The following ADGRV1 variants were observed in gnomAD, a reference collection of about 807,000 sequenced individuals.
The protein encoded by ADGRV1 is G-protein coupled receptor 98.
Under a neutral mutation model 596.2 loss-of-function variants are expected in ADGRV1, and 359 were observed. The observed-to-expected ratio is 0.60, with a 90% CI of 0.55 to 0.66. ADGRV1 has a LOEUF of 0.66. Among genes scored for constraint, ADGRV1 ranks in the 30% least tolerant of loss-of-function variants. ADGRV1 has a pLI of 0.00. For missense variants in ADGRV1, 7,274 were observed against 7,575.6 expected, an observed-to-expected ratio of 0.96 and a Z score of 1.48; for synonymous variants, 2,681 against 2,679.2, an observed-to-expected ratio of 1.00 and a Z score of -0.02.
chr5:90,629,797 T>A, intron 9 of ADGRV1: 1 of 306,498 alleles, frequency 3.3e-6, no homozygotes, highest in East Asian at 6.0e-5. Flanking sequence ...GAAATGCCAG[T>A]CATGCAAGTC....
At chr5:90,837,285 C>T (rs1208653499) in intron 77 of ADGRV1, among the ~76,000 whole-genome samples, 1 of 152,054 alleles carries the variant, frequency 6.6e-6, no homozygotes, top group Non-Finnish European at 1.5e-5. Context: ...GCTGAAAGCA[C>T]ACAAGTTCAA....
chr5:90,713,993 CAATA>C lies in ADGRV1; in HGVS notation c.9184+1570_9184+1573del, dbSNP rs370559763. 1.6e-4 allele frequency among the ~76,000 whole-genome samples: 25 copies of C among 152,080 alleles called. No individual in the cohort carries two copies. In the East Asian group the frequency reaches 2.9e-3, roughly 18 times the overall value. ...CTATTTCCAAACCCTTATAAAGTTT[CAATA>C]AATATCCTTTTACATAAATCTCTAT... is the stretch of plus-strand genomic sequence containing the variant. On this transcript the variant is annotated intron_variant, in intron 42 of 89. Transcript: ENST00000405460.
intron 86 of ADGRV1, among the ~76,000 whole-genome samples, chr5:91,101,797 ACACACACG>A (rs1018590378): frequency 6.6e-6 from 1 of 152,098 alleles, no homozygotes; most frequent in African/African-American, 2.4e-5. Flanking sequence ...ATGCACACAC[ACACACACG>A]CACACACGCA....
intron 85 of ADGRV1, among the ~76,000 whole-genome samples, chr5:91,046,411 G>A (rs1227334815): frequency 6.6e-6 from 1 of 152,086 alleles, no homozygotes; most frequent in East Asian, 1.9e-4. Context: ...CATAAAGTGA[G>A]GAAAGATACC....
At chr5:91,040,496 T>C (rs1267948877) in intron 85 of ADGRV1, among the ~76,000 whole-genome samples, 3 of 152,096 alleles carry the variant, frequency 2.0e-5, no homozygotes, top group African/African-American at 7.3e-5. Flanking sequence ...TGTGTTGATG[T>C]TAATTTGCAT....
At chr5:91,078,419 C>G (rs1374236701) in intron 86 of ADGRV1, among the ~76,000 whole-genome samples, 3 of 152,112 alleles carry the variant, frequency 2.0e-5, no homozygotes, top group Non-Finnish European at 4.4e-5. Flanking sequence ...CCATCAGTTA[C>G]TTTTCTCCTT....
intron 70 of ADGRV1, chr5:90,791,889 A>C (rs1760121471): frequency 6.5e-6 from 1 of 153,384 alleles, no homozygotes; most frequent in South Asian, 2.0e-4. Flanking sequence ...GTGGGTGATC[A>C]GAATGCATGG....
chr5:90,766,395 C>T (rs1436624361), intron 59 of ADGRV1, among the ~76,000 whole-genome samples: 3 of 152,164 alleles, frequency 2.0e-5, no homozygotes, highest in Non-Finnish European at 2.9e-5. Flanking sequence ...GTCAGTTTTC[C>T]CTTTAAGTGT....
At chr5:90,695,481 T>A (rs558310596) in intron 33 of ADGRV1, among the ~76,000 whole-genome samples, 24 of 151,582 alleles carry the variant, frequency 1.6e-4, no homozygotes, top group Middle Eastern at 3.4e-3. Flanking sequence ...CACAAAATTT[T>A]AAAAAACATA....
rs139402297 is a variant in ADGRV1, at chr5:90,922,797, G to A, written c.17857-42618G>A. On this transcript the variant is annotated intron_variant, in intron 83 of 89. Coordinates refer to ENST00000405460, the MANE Select transcript of ADGRV1 (RefSeq NM_032119.4). ...CTGCATTTGTAACTAGTTCCCATAC[G>A]ATCTGGTACGGCTGGTCCTCAGGCT... Among the ~76,000 whole-genome samples the A allele has an allele frequency of 3.9e-5, 6 of 152,280 alleles. No individual in the cohort carries two copies. The East Asian group carries it at 7.7e-4, about 20-fold the overall frequency.
chr5:90,881,235 A>C (rs964222691), intron 83 of ADGRV1, among the ~76,000 whole-genome samples: 1 of 152,186 alleles, frequency 6.6e-6, no homozygotes, highest in Non-Finnish European at 1.5e-5. Flanking sequence ...TTTGAAAAGA[A>C]ATTGAATGAT....
chr5:91,029,859 A>T (rs1784332870), intron 85 of ADGRV1, among the ~76,000 whole-genome samples: 1 of 152,120 alleles, frequency 6.6e-6, no homozygotes, highest in Non-Finnish European at 1.5e-5. Context: ...TCTTGATTTT[A>T]AAAAAATCAC....
Position 91,072,537 on chromosome 5 carries a change from TG to T in ADGRV1, c.18244del (p.Ala6082ProfsTer4). The T allele has an allele frequency of 6.2e-7, 1 of 1,613,904 alleles. No homozygotes were observed. Among genetic ancestry groups the T allele is most frequent in the Non-Finnish European group, 8.5e-7 (1 of 1,179,794 alleles). ...TGGTGGTGTTCGTGGTGTTCATCCA[TG>T]CCTACCAGGTGAAGCCACAGTGGAA... ...LVVVFVVFIHAYQVKPQWKAY... is the reference protein window; with the variant it reads ...LVVVFVVFIHXYQVKPQWKAY... On this transcript the variant is annotated frameshift_variant, in exon 86 of 90. Coordinates refer to ENST00000405460, the MANE Select transcript of ADGRV1 (RefSeq NM_032119.4). LOFTEE classifies it high-confidence loss of function.
intron 38 of ADGRV1, among the ~76,000 whole-genome samples, chr5:90,707,278 C>G (rs1748723449): frequency 6.6e-6 from 1 of 151,930 alleles, no homozygotes; most frequent in South Asian, 2.1e-4. Context: ...AATACAGTTC[C>G]AAGAGGTTTA....
rs548775479 is a variant in ADGRV1, at chr5:90,783,673, T to C, written c.13434-165T>C. 2.0e-5 allele frequency among the ~76,000 whole-genome samples: 3 copies of C among 152,338 alleles called. No homozygotes were observed. The East Asian group carries it at 5.8e-4, about 29-fold the overall frequency. On this transcript the variant is annotated intron_variant, in intron 66 of 89. Coordinates refer to ENST00000405460, the MANE Select transcript of ADGRV1 (RefSeq NM_032119.4). ...ACTGCCCTAGGTCATGTAATATTGA[T>C]GTTAATCATTCATTCTTTTAGCTAA...
chr5:90,567,118 G>A (rs1234139161), intron 1 of ADGRV1, among the ~76,000 whole-genome samples: 2 of 151,900 alleles, frequency 1.3e-5, no homozygotes, highest in Non-Finnish European at 2.9e-5. Context: ...GGTTCTTGAT[G>A]GTGAACCAAT....
chr5:90,684,166 C>T lies in ADGRV1; in HGVS notation c.6245C>T (p.Thr2082Ile). 5 of 1,612,870 alleles carry T rather than the reference C, an allele frequency of 3.1e-6. No individual in the cohort carries two copies. Among genetic ancestry groups the T allele is most frequent in the Non-Finnish European group, 4.2e-6 (5 of 1,179,324 alleles). ...ESVFIELLNS[T>I]LVAKVQSRSI... ...GTCTTTATCGAACTACTCAACTCTA[C>T]TTTAGTAGCGAAAGTACAGAGTCGT... Residue 2082 changes from threonine (T) to isoleucine (I), a missense_variant, in exon 28 of 90, where the codon ACT (threonine) becomes ATT (isoleucine). Transcript: ENST00000405460.
At chr5:91,094,104 C>T (rs557670583) in intron 86 of ADGRV1, among the ~76,000 whole-genome samples, 50 of 152,054 alleles carry the variant, frequency 3.3e-4, no homozygotes, top group Admixed American at 9.1e-4. Flanking sequence ...TGCCAGCCTC[C>T]ACCTCCCAAA....
At chr5:90,853,596 T>C in intron 80 of ADGRV1, 63 bp downstream of exon 80, 2 of 1,473,982 alleles carry the variant, frequency 1.4e-6, no homozygotes, top group Non-Finnish European at 1.8e-6. Flanking sequence ...GCAGGCACAC[T>C]TGGAATGCAT....
Sources: gnomAD v4.1 joint callset for allele counts (sites outside exome capture counted in the v4.1 genomes callset) on GRCh38, gnomAD v4.1.1 for gene constraint, MANE v1.5 for transcripts, NCBI Gene and HGNC (gene_info 2026-07-23, HGNC 2026-07-21) for gene names.